Variants in RGS8 observed in about 807,000 individuals in gnomAD.
RGS8 encodes the protein regulator of G-protein signaling 8.
In RGS8, 8 loss-of-function variants were observed where a neutral mutation model predicts 21.7. That is an observed-to-expected ratio of 0.37 (90% CI 0.22 to 0.66). The LOEUF (loss-of-function observed/expected upper bound fraction) is 0.66. Among genes scored for constraint, RGS8 ranks in the 30% least tolerant of loss-of-function variants. The pLI, the probability that RGS8 is intolerant of heterozygous loss-of-function variation, is 0.59. For synonymous variants in RGS8, 80 were observed against 83.6 expected, an observed-to-expected ratio of 0.96 and a Z score of 0.24; for missense variants, 157 against 217.9, an observed-to-expected ratio of 0.72 and a Z score of 1.76.
At chr1:182,737,406 C>T in the RGS8 span, among the ~76,000 whole-genome samples, 2 of 152,096 alleles carry the variant, frequency 1.3e-5, no homozygotes, top group Non-Finnish European at 2.9e-5. Flanking sequence ...TCATCTCGAA[C>T]TGTAGCTCCC....
At chr1:182,677,013 A>G (rs524269), upstream of RGS8, among the ~76,000 whole-genome samples, 17,625 of 152,200 alleles carry the variant, frequency 0.12, 1,813 homozygotes, top group African/African-American at 0.27. Flanking sequence ...ATATTTGAAG[A>G]TGATCTTGGC....
chr1:182,645,741 C>G (rs1662673441), downstream of RGS8: 1 of 152,098 alleles, frequency 6.6e-6, no homozygotes. Flanking sequence ...ACATGACCGG[C>G]ATGGAAGGGG....
At chr1:182,709,783 G>A in the RGS8 span, among the ~76,000 whole-genome samples, 10 of 152,186 alleles carry the variant, frequency 6.6e-5, no homozygotes, top group East Asian at 1.9e-4. Context: ...TTATGAATGC[G>A]AACCATCTTA....
At chr1:182,657,497 A>C (rs1404189069) in intron 5 of RGS8, among the ~76,000 whole-genome samples, 2 of 151,736 alleles carry the variant, frequency 1.3e-5, no homozygotes, top group Non-Finnish European at 2.9e-5. Flanking sequence ...GGCCCCATGC[A>C]CCCCAGACCC....
At chr1:182,675,136 C>T (rs138797876), upstream of RGS8, among the ~76,000 whole-genome samples, 13 of 152,312 alleles carry the variant, frequency 8.5e-5, no homozygotes, top group Non-Finnish European at 1.9e-4. Context: ...CACTCTCCCC[C>T]ATCCTCCATT....
At chr1:182,678,670 T>C (rs1032871953) in intron 1 of RGS8, among the ~76,000 whole-genome samples, 1 of 152,164 alleles carries the variant, frequency 6.6e-6, no homozygotes, top group Non-Finnish European at 1.5e-5. Context: ...ATGTTAACAC[T>C]GGACAAGGAG....
At chr1:182,720,952 TAC>T in the RGS8 span, among the ~76,000 whole-genome samples, 9 of 64,226 alleles carry the variant, frequency 1.4e-4, 1 homozygote, top group Admixed American at 2.9e-4. Context: ...TATACATATA[TAC>T]ATACATATGT....
the RGS8 span, among the ~76,000 whole-genome samples, chr1:182,736,183 T>A: frequency 6.6e-6 from 1 of 152,240 alleles, no homozygotes; most frequent in Non-Finnish European, 1.5e-5. Flanking sequence ...ATTAAAATAT[T>A]AAATGGTCAT....
chr1:182,728,618 C>T, the RGS8 span, among the ~76,000 whole-genome samples: 1 of 151,596 alleles, frequency 6.6e-6, no homozygotes, highest in Non-Finnish European at 1.5e-5. Flanking sequence ...ATTTGATGGA[C>T]CCAAAAAAAG....
the RGS8 span, among the ~76,000 whole-genome samples, chr1:182,716,336 G>A: frequency 1.3e-5 from 2 of 151,998 alleles, no homozygotes; most frequent in Admixed American, 6.6e-5. Context: ...GTGTTGCCCA[G>A]GCTGGTCTTG....
At chr1:182,668,315 G>A (rs998612022) in intron 3 of RGS8, among the ~76,000 whole-genome samples, 8 of 152,186 alleles carry the variant, frequency 5.3e-5, no homozygotes, top group South Asian at 2.1e-4. Context: ...AGGAAGTGCC[G>A]CTTGCACATT....
At chr1:182,668,086 C>T (rs371084549) in intron 3 of RGS8, among the ~76,000 whole-genome samples, 7 of 152,276 alleles carry the variant, frequency 4.6e-5, no homozygotes, top group Non-Finnish European at 5.9e-5. Flanking sequence ...CATTTGTTTA[C>T]GAATTGTCTA....
chr1:182,750,861 A>G, the RGS8 span, among the ~76,000 whole-genome samples: 1 of 151,654 alleles, frequency 6.6e-6, no homozygotes, highest in Non-Finnish European at 1.5e-5. Flanking sequence ...AGGTATATAA[A>G]TAAACAGCTA....
At chr1:182,658,865 A>T (rs1434150819) in intron 5 of RGS8, among the ~76,000 whole-genome samples, 2 of 152,210 alleles carry the variant, frequency 1.3e-5, no homozygotes, top group African/African-American at 4.8e-5. Flanking sequence ...TTTAAAAATA[A>T]CTGGGACTAA....
chr1:182,721,846 C>A, the RGS8 span, among the ~76,000 whole-genome samples: 2 of 152,182 alleles, frequency 1.3e-5, no homozygotes, highest in Non-Finnish European at 2.9e-5. Flanking sequence ...GAGTCAGAAG[C>A]TAGTCTATGG....
chr1:182,748,407 C>G, the RGS8 span, among the ~76,000 whole-genome samples: 1 of 152,174 alleles, frequency 6.6e-6, no homozygotes, highest in East Asian at 1.9e-4. Context: ...ACATAATATC[C>G]TCCAGGTTAA....
the RGS8 span, among the ~76,000 whole-genome samples, chr1:182,720,877 A>ATATACATATGTGTG: frequency 2.9e-5 from 4 of 139,892 alleles, no homozygotes; most frequent in South Asian, 2.2e-4. Context: ...ATACACATAT[A>ATATACATATGTGTG]TGTATATATA....
the RGS8 span, among the ~76,000 whole-genome samples, chr1:182,702,752 T>C: frequency 1.8e-4 from 27 of 152,306 alleles, no homozygotes; most frequent in East Asian, 5.2e-3. Flanking sequence ...GTGATAATAA[T>C]AATGGAAATT....
At chr1:182,700,192 C>G in the RGS8 span, among the ~76,000 whole-genome samples, 1 of 152,144 alleles carries the variant, frequency 6.6e-6, no homozygotes, top group Non-Finnish European at 1.5e-5. Flanking sequence ...GCGGTTAGGC[C>G]GGGTCCTGCA....
Sources: allele counts gnomAD v4.1 joint callset (sites outside exome capture counted in the v4.1 genomes callset), GRCh38; gene constraint gnomAD v4.1.1; transcripts MANE v1.5; gene names NCBI Gene and HGNC (gene_info 2026-07-23, HGNC 2026-07-21).